The following EXOC6 variants were observed in gnomAD, a reference collection of about 807,000 sequenced individuals.
EXOC6 encodes the protein exocyst complex component 6.
A neutral mutation model predicts 112.5 loss-of-function variants in EXOC6; 60 were observed. The ratio of observed to expected loss-of-function variants is 0.53; its 90% CI spans 0.43 to 0.66. The LOEUF is 0.66. EXOC6 is among the 30% of genes least tolerant of loss of function. The pLI, the probability that EXOC6 is intolerant of heterozygous loss-of-function variation, is 0.00. For synonymous variants in EXOC6, 295 were observed against 308.0 expected, an observed-to-expected ratio of 0.96 and a Z score of 0.44; for missense variants, 855 against 957.1, an observed-to-expected ratio of 0.89 and a Z score of 1.41.
chr10:92,948,328 A>G lies in EXOC6; in HGVS notation c.1365A>G (p.Glu455=), dbSNP rs1306288171. The G allele has an allele frequency of 1.9e-6, 3 of 1,610,574 alleles. No individual in the cohort carries two copies. The highest frequency in any genetic ancestry group is 2.5e-6 in the Non-Finnish European group (3 of 1,178,862). The change falls in exon 14 of 22, where the codon GAA becomes GAG. Residue 455 remains glutamate, a synonymous_variant. Coordinates refer to ENST00000260762, the MANE Select transcript of EXOC6 (RefSeq NM_019053.6). ...CCATCCCTGTTGTCAATGAAGAAGA[A>G]TATAAAATTGTCATCAGCAAATTTC... The part of the protein sequence containing the change: ...YSPIPVVNEE[E]YKIVISKFPF...
chr10:93,004,722 T>C (rs1253182108), intron 19 of EXOC6, among the ~76,000 whole-genome samples: 2 of 152,220 alleles, frequency 1.3e-5, no homozygotes, highest in African/African-American at 4.8e-5. Flanking sequence ...TATGAACTTA[T>C]ATAGAACTTT....
Position 93,058,596 on chromosome 10 carries a change from T to G in EXOC6, c.*241T>G, listed in dbSNP as rs531049679. The G allele has an allele frequency of 4.9e-5, 16 of 325,878 alleles. No homozygotes were observed. The highest frequency in any genetic ancestry group is 8.3e-5 in the Non-Finnish European group (15 of 180,962). The allele number at this position is 325,878 out of a possible 1,614,324, so 20.2% of individuals were successfully genotyped here. ...TCACTTTTAGGGGAAAATGCAAAAG[T>G]GTAATACATAAATTGTCACAAATTA... On this transcript the variant is annotated 3_prime_UTR_variant, in exon 22 of 22. Transcript: ENST00000260762.
At chr10:92,909,353 GATT>G in intron 5 of EXOC6, 71 bp from the exon 6 acceptor site, 1 of 1,098,944 alleles carries the variant, frequency 9.1e-7, no homozygotes. Context: ...GTGTAAAACT[GATT>G]ATTTAGATTT....
At chr10:92,997,421 G>A in intron 18 of EXOC6, 53 bp from the exon 19 acceptor site, 1 of 1,513,332 alleles carries the variant, frequency 6.6e-7, no homozygotes, top group Non-Finnish European at 9.0e-7. Flanking sequence ...TCTTTATGAT[G>A]TATTTCTATG....
At position 92,967,976 on chromosome 10, in the gene EXOC6, G is replaced by T. The variant is rs144079080; in HGVS notation, c.1774-6077G>T. On this transcript the variant is annotated intron_variant, in intron 17 of 21. Transcript: ENST00000260762. Reference sequence around the variant, plus strand: ...GAACACTGGGGCAAAATGCAAAATGGTAAATACATATTTTTATATTGCTTT... The same window carrying T: ...GAACACTGGGGCAAAATGCAAAATGTTAAATACATATTTTTATATTGCTTT... 2.8e-3 allele frequency among the ~76,000 whole-genome samples: 431 copies of T among 152,206 alleles called. 2 individuals carry two copies. The highest frequency in any genetic ancestry group is 7.7e-3 in the African/African-American group (319 of 41,526).
chr10:93,019,647 C>T (rs1426452606), intron 20 of EXOC6, among the ~76,000 whole-genome samples: 1 of 151,974 alleles, frequency 6.6e-6, no homozygotes, highest in African/African-American at 2.4e-5. Flanking sequence ...TTTATAAAGC[C>T]AATAAAGTTT....
At chr10:92,899,341 A>G (rs552317641) in intron 4 of EXOC6, among the ~76,000 whole-genome samples, 5 of 152,272 alleles carry the variant, frequency 3.3e-5, no homozygotes, top group Non-Finnish European at 7.4e-5. Context: ...AGCATATACA[A>G]GTGTTCCAGG....
intron 17 of EXOC6, among the ~76,000 whole-genome samples, chr10:92,967,818 T>G (rs1475914885): frequency 2.0e-5 from 3 of 152,168 alleles, no homozygotes; most frequent in African/African-American, 7.2e-5. Flanking sequence ...TGATTGTACA[T>G]AGTTCTGAGG....
At chr10:92,970,760 C>G (rs1233523531) in intron 17 of EXOC6, among the ~76,000 whole-genome samples, 3 of 152,166 alleles carry the variant, frequency 2.0e-5, no homozygotes, top group Non-Finnish European at 4.4e-5. Context: ...TGTTCTAATC[C>G]TACTGTGAAG....
At chr10:93,014,325 C>CT (rs986840508) in intron 20 of EXOC6, 58 bp downstream of exon 20, 49,703 of 1,008,868 alleles carry the variant, frequency 0.049, 3 homozygotes, top group South Asian at 0.065. Flanking sequence ...CCTCCCCTCA[C>CT]TTTTTTTTTT....
At chr10:93,009,143 G>T (rs1354891900) in intron 19 of EXOC6, among the ~76,000 whole-genome samples, 1 of 152,094 alleles carries the variant, frequency 6.6e-6, no homozygotes, top group East Asian at 1.9e-4. Context: ...GAGCCCAGGA[G>T]GTTGAGGGAG....
chr10:92,900,304 A>AG (rs1014817554), intron 5 of EXOC6: 16 of 152,118 alleles, frequency 1.1e-4, no homozygotes, highest in Non-Finnish European at 1.6e-4. Context: ...AAGAAAAAAA[A>AG]CAAATGATTC....
chr10:92,849,955 TA>T (rs201027463), intron 1 of EXOC6, among the ~76,000 whole-genome samples: 1,718 of 152,356 alleles, frequency 0.011, 19 homozygotes, highest in Non-Finnish European at 0.017. Flanking sequence ...TTTTGTCACA[TA>T]AGGTTTCTGC....
chr10:92,916,275 T>C (rs1851082191), intron 7 of EXOC6, among the ~76,000 whole-genome samples: 1 of 152,074 alleles, frequency 6.6e-6, no homozygotes, highest in African/African-American at 2.4e-5. Flanking sequence ...CTTTGCAAGG[T>C]TGAGGTGGGT....
intron 7 of EXOC6, among the ~76,000 whole-genome samples, chr10:92,916,563 A>G (rs1410134094): frequency 6.6e-6 from 1 of 152,180 alleles, no homozygotes; most frequent in Non-Finnish European, 1.5e-5. Context: ...CAAAACTGTA[A>G]GGGCCTAACC....
intron 1 of EXOC6, among the ~76,000 whole-genome samples, chr10:92,892,094 G>C (rs1356412335): frequency 6.6e-6 from 1 of 152,172 alleles, no homozygotes; most frequent in Non-Finnish European, 1.5e-5. Flanking sequence ...ATGGGCAACG[G>C]ATGTGGGGTG....
intron 18 of EXOC6, among the ~76,000 whole-genome samples, chr10:92,976,678 T>TAAA (rs59201153): frequency 9.2e-5 from 13 of 141,108 alleles, no homozygotes; most frequent in East Asian, 8.1e-4. Flanking sequence ...AATAATAAAT[T>TAAA]AAAAAAAAAA....
At chr10:92,901,218 T>C (rs1850149347) in intron 5 of EXOC6, 1 of 152,220 alleles carries the variant, frequency 6.6e-6, no homozygotes, top group Non-Finnish European at 1.5e-5. Flanking sequence ...GGTATATTTT[T>C]CTCTTTGCAA....
chr10:92,911,249 C>G (rs1300815541), intron 6 of EXOC6, among the ~76,000 whole-genome samples: 1 of 152,016 alleles, frequency 6.6e-6, no homozygotes, highest in Admixed American at 6.5e-5. Flanking sequence ...ACTTTGGAAA[C>G]TCCTAAGTCT....
Sources: gnomAD v4.1 joint callset for allele counts (sites outside exome capture counted in the v4.1 genomes callset) on GRCh38, gnomAD v4.1.1 for gene constraint, MANE v1.5 for transcripts, NCBI Gene and HGNC (gene_info 2026-07-23, HGNC 2026-07-21) for gene names.